Variants in TAFA1 observed in about 807,000 individuals in gnomAD.
TAFA1 encodes the protein TAFA chemokine like family member 1, also known as chemokine-like protein TAFA-1.
TAFA1 carries 4 observed loss-of-function variants against 18.5 expected under a neutral mutation model. That is an observed-to-expected ratio of 0.22 (90% CI 0.11 to 0.49). The LOEUF (loss-of-function observed/expected upper bound fraction) is 0.49, where lower values mean the gene tolerates loss of function less well. Ranked by LOEUF, TAFA1 falls within the 20% of genes least tolerant of loss-of-function variation. The pLI, the probability that TAFA1 is intolerant of heterozygous loss-of-function variation, is 0.98. For missense variants in TAFA1, 147 were observed against 169.0 expected, an observed-to-expected ratio of 0.87 and a Z score of 0.72; for synonymous variants, 56 against 55.2, an observed-to-expected ratio of 1.01 and a Z score of -0.06.
intron 2 of TAFA1, among the ~76,000 whole-genome samples, chr3:68,327,231 G>T (rs983327832): frequency 6.6e-6 from 1 of 151,988 alleles, no homozygotes; most frequent in African/African-American, 2.4e-5. Context: ...TTTATAAATT[G>T]TCAGTCTCAG....
intron 2 of TAFA1, among the ~76,000 whole-genome samples, chr3:68,048,162 A>G (rs1005801258): frequency 6.6e-6 from 1 of 151,994 alleles, no homozygotes; most frequent in African/African-American, 2.4e-5. Context: ...ACATTCTTAT[A>G]CTCCCTCTGC....
At chr3:68,275,502 C>CTTT (rs199541727) in intron 2 of TAFA1, among the ~76,000 whole-genome samples, 252 of 141,156 alleles carry the variant, frequency 1.8e-3, no homozygotes, top group African/African-American at 3.2e-3. Context: ...GATTAGGGGA[C>CTTT]TTTTTTTTTT....
At chr3:68,247,186 TA>T (rs1020259572) in intron 2 of TAFA1, among the ~76,000 whole-genome samples, 36 of 152,198 alleles carry the variant, frequency 2.4e-4, no homozygotes, top group African/African-American at 8.4e-4. Flanking sequence ...TTTGTTGTGA[TA>T]AAGTCCACCT....
chr3:68,473,847 GTA>G (rs1330287627), intron 3 of TAFA1, among the ~76,000 whole-genome samples: 1 of 152,086 alleles, frequency 6.6e-6, no homozygotes, highest in African/African-American at 2.4e-5. Flanking sequence ...CTTTGTTGTT[GTA>G]TATAATCTCC....
chr3:68,271,815 A>G (rs1204708213), intron 2 of TAFA1, among the ~76,000 whole-genome samples: 1 of 147,288 alleles, frequency 6.8e-6, no homozygotes, highest in African/African-American at 2.5e-5. Flanking sequence ...CTCTTTGTCT[A>G]TCTCTCTCTC....
At chr3:68,056,964 A>T (rs1418018333) in intron 2 of TAFA1, among the ~76,000 whole-genome samples, 1 of 152,144 alleles carries the variant, frequency 6.6e-6, no homozygotes, top group Non-Finnish European at 1.5e-5. Context: ...TGTTAAGTTG[A>T]CATCATCATA....
chr3:68,005,567 G>A (rs1240187863), intron 1 of TAFA1, among the ~76,000 whole-genome samples: 1 of 152,162 alleles, frequency 6.6e-6, no homozygotes, highest in Non-Finnish European at 1.5e-5. Flanking sequence ...AGGCTGGGAG[G>A]TTACTAGCAC....
intron 2 of TAFA1, among the ~76,000 whole-genome samples, chr3:68,173,246 A>G (rs1254014436): frequency 6.6e-6 from 1 of 151,986 alleles, no homozygotes; most frequent in Non-Finnish European, 1.5e-5. Flanking sequence ...TTTACTTGAA[A>G]TATGTACATT....
intron 2 of TAFA1, among the ~76,000 whole-genome samples, chr3:68,097,830 G>C (rs559890816): frequency 6.6e-6 from 1 of 152,234 alleles, no homozygotes; most frequent in African/African-American, 2.4e-5. Flanking sequence ...ATTTCCTGCA[G>C]GGAAGGGAAT....
At chr3:68,008,803 T>A (rs993228082) in intron 2 of TAFA1, among the ~76,000 whole-genome samples, 28 of 152,112 alleles carry the variant, frequency 1.8e-4, no homozygotes, top group African/African-American at 6.3e-4. Context: ...GGCACGTGGT[T>A]GAGGGGGAAA....
chr3:68,313,498 A>G (rs887320945), intron 2 of TAFA1, among the ~76,000 whole-genome samples: 2 of 152,218 alleles, frequency 1.3e-5, no homozygotes, highest in African/African-American at 4.8e-5. Context: ...TTTTCTTAGA[A>G]CAAGATATTT....
intron 3 of TAFA1, among the ~76,000 whole-genome samples, chr3:68,464,957 A>G (rs2071858023): frequency 6.6e-6 from 1 of 152,122 alleles, no homozygotes; most frequent in African/African-American, 2.4e-5. Flanking sequence ...TTCTGATTTT[A>G]TTTGGGCAGC....
intron 2 of TAFA1, among the ~76,000 whole-genome samples, chr3:68,387,114 C>G (rs2070122433): frequency 1.3e-5 from 2 of 151,130 alleles, no homozygotes; most frequent in South Asian, 2.1e-4. Flanking sequence ...AGCCCTTAAG[C>G]ACAAGAAGAG....
At chr3:68,322,113 A>G (rs754532823) in intron 2 of TAFA1, among the ~76,000 whole-genome samples, 17 of 152,204 alleles carry the variant, frequency 1.1e-4, no homozygotes, top group Non-Finnish European at 1.9e-4. Context: ...AGAGGAGGCT[A>G]ATTTCCTAAT....
intron 2 of TAFA1, among the ~76,000 whole-genome samples, chr3:68,076,283 T>TC (rs904787060): frequency 3.3e-4 from 49 of 149,744 alleles, no homozygotes; most frequent in Non-Finnish European, 5.5e-4. Flanking sequence ...TCCTACTTCT[T>TC]TTTTTTTTTG....
chr3:68,181,875 A>G (rs59831782), intron 2 of TAFA1, among the ~76,000 whole-genome samples: 9,787 of 152,268 alleles, frequency 0.064, 402 homozygotes, highest in African/African-American at 0.1. Context: ...TGTCTCAAAG[A>G]TCTGGATGTC....
At chr3:68,063,055 A>G (rs2064625958) in intron 2 of TAFA1, among the ~76,000 whole-genome samples, 1 of 152,184 alleles carries the variant, frequency 6.6e-6, no homozygotes, top group African/African-American at 2.4e-5. Context: ...ATCCAGATTA[A>G]AAAAACAGGC....
chr3:68,021,185 CAA>C (rs10610707), intron 2 of TAFA1, among the ~76,000 whole-genome samples: 105 of 56,070 alleles, frequency 1.9e-3, no homozygotes, highest in African/African-American at 6.1e-3. Flanking sequence ...GACCCTGTCT[CAA>C]AAAAAAAAAA....
At chr3:68,179,137 C>G (rs2066164193) in intron 2 of TAFA1, among the ~76,000 whole-genome samples, 1 of 152,184 alleles carries the variant, frequency 6.6e-6, no homozygotes. Flanking sequence ...CACACATCAT[C>G]ATTCATAATT....
Sources: allele counts gnomAD v4.1 joint callset (sites outside exome capture counted in the v4.1 genomes callset), GRCh38; gene constraint gnomAD v4.1.1; transcripts MANE v1.5; gene names NCBI Gene and HGNC (gene_info 2026-07-23, HGNC 2026-07-21).